Variants in LRMDA observed in about 807,000 individuals in gnomAD.
The protein encoded by LRMDA is leucine rich melanocyte differentiation associated.
Under a neutral mutation model 29.8 loss-of-function variants are expected in LRMDA, and 18 were observed. That is an observed-to-expected ratio of 0.60 (90% CI 0.42 to 0.90). The LOEUF is 0.90. Among genes scored for constraint, LRMDA ranks in the 40% least tolerant of loss-of-function variants. LRMDA has a pLI of 0.00. For missense variants in LRMDA, 273 were observed against 273.9 expected (o/e 1.00, Z 0.02); for synonymous variants, 125 against 109.4 (o/e 1.14, Z -0.89).
At chr10:76,224,152 A>G (rs1851905050) in intron 5 of LRMDA, among the ~76,000 whole-genome samples, 1 of 152,052 alleles carries the variant, frequency 6.6e-6, no homozygotes, top group Non-Finnish European at 1.5e-5. Context: ...CAAATTCTAT[A>G]TGAACACATA....
intron 2 of LRMDA, among the ~76,000 whole-genome samples, chr10:75,837,739 T>G (rs1358985838): frequency 6.6e-6 from 1 of 150,394 alleles, no homozygotes; most frequent in Non-Finnish European, 1.5e-5. Context: ...ATATTTACTA[T>G]CTACTATTTA....
intron 5 of LRMDA, among the ~76,000 whole-genome samples, chr10:76,250,014 C>A (rs550810975): frequency 9.2e-5 from 14 of 152,274 alleles, no homozygotes; most frequent in African/African-American, 3.1e-4. Flanking sequence ...CCATGTTGGC[C>A]ACCTTGGTCT....
chr10:76,465,774 G>C (rs956216220), intron 6 of LRMDA, among the ~76,000 whole-genome samples: 3 of 152,044 alleles, frequency 2.0e-5, no homozygotes, highest in African/African-American at 7.2e-5. Flanking sequence ...ATGTTGGTGG[G>C]GTTGATTTCC....
chr10:75,766,628 T>A (rs1296880651), intron 2 of LRMDA, among the ~76,000 whole-genome samples: 3 of 152,342 alleles, frequency 2.0e-5, no homozygotes, highest in Middle Eastern at 3.4e-3. Flanking sequence ...TTTTATTTTT[T>A]AAAAATTTTA....
At chr10:75,790,518 G>A (rs1843547920) in intron 2 of LRMDA, among the ~76,000 whole-genome samples, 1 of 152,212 alleles carries the variant, frequency 6.6e-6, no homozygotes, top group East Asian at 1.9e-4. Flanking sequence ...GAGTCCAAAT[G>A]TGATGTTCTT....
intron 6 of LRMDA, chr10:76,396,650 T>A (rs1406952912): frequency 2.0e-5 from 3 of 152,140 alleles, no homozygotes; most frequent in African/African-American, 7.2e-5. Context: ...GGGTGTCTCC[T>A]CTCCGCACCA....
intron 5 of LRMDA, among the ~76,000 whole-genome samples, chr10:76,064,670 G>A (rs1848755682): frequency 6.6e-6 from 1 of 151,950 alleles, no homozygotes; most frequent in Non-Finnish European, 1.5e-5. Flanking sequence ...TGCATAAAAG[G>A]GTATCAGAAA....
intron 6 of LRMDA, among the ~76,000 whole-genome samples, chr10:76,428,040 A>G (rs1842148262): frequency 1.3e-5 from 2 of 152,248 alleles, no homozygotes; most frequent in East Asian, 1.9e-4. Context: ...ATCAATGTTC[A>G]TCAGGGATAT....
At chr10:76,493,547 G>A (rs184425763) in intron 6 of LRMDA, among the ~76,000 whole-genome samples, 18 of 152,130 alleles carry the variant, frequency 1.2e-4, no homozygotes, top group African/African-American at 3.1e-4. Context: ...AATTATGTAC[G>A]TATACATGTG....
At chr10:76,399,538 CA>C (rs951986342) in intron 6 of LRMDA, among the ~76,000 whole-genome samples, 2 of 152,210 alleles carry the variant, frequency 1.3e-5, no homozygotes, top group Admixed American at 1.3e-4. Context: ...AGATGTCTCT[CA>C]AATATAGATT....
intron 2 of LRMDA, among the ~76,000 whole-genome samples, chr10:75,864,214 A>G (rs1178291659): frequency 6.6e-6 from 1 of 152,246 alleles, no homozygotes; most frequent in African/African-American, 2.4e-5. Flanking sequence ...CTCTATAGTA[A>G]ATGTTAGGGA....
At chr10:76,351,605 C>T (rs770034934) in intron 6 of LRMDA, among the ~76,000 whole-genome samples, 2 of 151,748 alleles carry the variant, frequency 1.3e-5, no homozygotes, top group Admixed American at 6.6e-5. Context: ...ACACAGCTAC[C>T]AATGTTATGC....
intron 2 of LRMDA, among the ~76,000 whole-genome samples, chr10:75,914,452 C>T (rs1356450159): frequency 6.6e-6 from 1 of 152,350 alleles, no homozygotes; most frequent in East Asian, 1.9e-4. Context: ...CATATAAGTA[C>T]ATAAAATTTT....
At chr10:76,112,971 A>G (rs1218064782) in intron 5 of LRMDA, among the ~76,000 whole-genome samples, 1 of 152,232 alleles carries the variant, frequency 6.6e-6, no homozygotes, top group African/African-American at 2.4e-5. Context: ...TAAACAACAT[A>G]TTAAGTCTTC....
At chr10:75,436,407 T>G (rs1282462695) in intron 1 of LRMDA, among the ~76,000 whole-genome samples, 1 of 152,052 alleles carries the variant, frequency 6.6e-6, no homozygotes, top group Admixed American at 6.5e-5. Flanking sequence ...ATGGGATGGA[T>G]TTTCTGGTGA....
chr10:75,872,345 C>T (rs1348440173), intron 2 of LRMDA, among the ~76,000 whole-genome samples: 5 of 151,836 alleles, frequency 3.3e-5, no homozygotes, highest in Admixed American at 3.3e-4. Flanking sequence ...GCTCTGTAGC[C>T]CAGGCTGGAG....
intron 2 of LRMDA, among the ~76,000 whole-genome samples, chr10:75,566,160 A>G (rs1268487058): frequency 1.3e-5 from 2 of 152,180 alleles, no homozygotes; most frequent in Non-Finnish European, 2.9e-5. Context: ...CTTCTTTAAA[A>G]CACAGCAGTA....
chr10:76,377,450 G>A (rs1841535210), intron 6 of LRMDA, among the ~76,000 whole-genome samples: 1 of 152,106 alleles, frequency 6.6e-6, no homozygotes, highest in African/African-American at 2.4e-5. Context: ...GGGGCTCTTA[G>A]TTACAAATTC....
At chr10:75,462,156 C>T (rs1844593936) in intron 2 of LRMDA, among the ~76,000 whole-genome samples, 1 of 152,138 alleles carries the variant, frequency 6.6e-6, no homozygotes, top group Admixed American at 6.5e-5. Flanking sequence ...GAAATAAAAC[C>T]TTGTATGGCC....
Sources: gnomAD v4.1 joint callset for allele counts (sites outside exome capture counted in the v4.1 genomes callset) on GRCh38, gnomAD v4.1.1 for gene constraint, MANE v1.5 for transcripts, NCBI Gene and HGNC (gene_info 2026-07-23, HGNC 2026-07-21) for gene names.